Variants in ATF6 observed in about 807,000 individuals in gnomAD.
ATF6 encodes activating transcription factor 6.
ATF6 carries 53 observed loss-of-function variants against 83.6 expected under a neutral mutation model. The observed-to-expected ratio is 0.63, with a 90% CI of 0.51 to 0.80. The LOEUF is 0.80. Ranked by LOEUF, ATF6 falls within the 30% of genes least tolerant of loss-of-function variation. ATF6 has a pLI of 0.00. For synonymous variants in ATF6, 288 were observed against 285.8 expected (o/e 1.01, Z -0.08); for missense variants, 744 against 797.9 (o/e 0.93, Z 0.81).
intron 15 of ATF6, among the ~76,000 whole-genome samples, chr1:161,920,635 C>T (rs921059362): frequency 6.6e-6 from 1 of 151,450 alleles, no homozygotes; most frequent in Non-Finnish European, 1.5e-5. Context: ...GAGAAGTCCA[C>T]AGCAAAGAAT....
At chr1:161,781,078 T>C (rs1684626484) in intron 2 of ATF6, among the ~76,000 whole-genome samples, 1 of 152,266 alleles carries the variant, frequency 6.6e-6, no homozygotes. Flanking sequence ...AGACACTTAA[T>C]TTAAAATAGT....
At chr1:161,875,707 T>G (rs1029326590) in intron 14 of ATF6, among the ~76,000 whole-genome samples, 1 of 151,844 alleles carries the variant, frequency 6.6e-6, no homozygotes, top group Non-Finnish European at 1.5e-5. Context: ...TATCAGTCTT[T>G]CAAGTAAAAG....
At chr1:161,831,251 T>C (rs1686052943) in intron 9 of ATF6, among the ~76,000 whole-genome samples, 1 of 152,168 alleles carries the variant, frequency 6.6e-6, no homozygotes, top group Non-Finnish European at 1.5e-5. Context: ...TGAGATACCA[T>C]CTCACACCAG....
intron 5 of ATF6, 92 bp from the exon 6 acceptor site, chr1:161,792,032 A>G: frequency 9.7e-7 from 1 of 1,027,534 alleles, no homozygotes; most frequent in Non-Finnish European, 1.5e-6. Context: ...AGTTAAGATA[A>G]TGTGTAGAGA....
At chr1:161,830,272 A>G (rs1686019726) in intron 9 of ATF6, among the ~76,000 whole-genome samples, 1 of 152,230 alleles carries the variant, frequency 6.6e-6, no homozygotes, top group Non-Finnish European at 1.5e-5. Context: ...GGACAACTAC[A>G]AACCACTGCT....
intron 7 of ATF6, among the ~76,000 whole-genome samples, chr1:161,817,993 C>T (rs1041229002): frequency 4.0e-5 from 6 of 149,980 alleles, no homozygotes; most frequent in South Asian, 4.2e-4. Flanking sequence ...CCCAGCTACT[C>T]GGGAGGCTGA....
intron 4 of ATF6, 46 bp from the exon 5 acceptor site, chr1:161,791,362 T>C (rs765854543): frequency 2.0e-6 from 3 of 1,528,342 alleles, no homozygotes; most frequent in South Asian, 1.3e-5. Flanking sequence ...TGCAATTTGC[T>C]GCTTAAGGAT....
intron 9 of ATF6, among the ~76,000 whole-genome samples, chr1:161,832,596 CGAG>C (rs1686092862): frequency 6.6e-6 from 1 of 152,208 alleles, no homozygotes; most frequent in South Asian, 2.1e-4. Flanking sequence ...AAACAGCACA[CGAG>C]GAGATTATAT....
At chr1:161,779,251 C>T (rs1021515896) in intron 2 of ATF6, among the ~76,000 whole-genome samples, 1 of 152,190 alleles carries the variant, frequency 6.6e-6, no homozygotes, top group African/African-American at 2.4e-5. Context: ...TATTTCATAA[C>T]ATCTAGAATC....
intron 9 of ATF6, among the ~76,000 whole-genome samples, chr1:161,829,523 A>G (rs1685994433): frequency 6.6e-6 from 1 of 152,158 alleles, no homozygotes; most frequent in African/African-American, 2.4e-5. Flanking sequence ...GTAGACCAAT[A>G]TCCCTGATGA....
At chr1:161,850,218 CTTATTATGACCTGGTCTT>C (rs1320504436) in intron 10 of ATF6, among the ~76,000 whole-genome samples, 1 of 152,024 alleles carries the variant, frequency 6.6e-6, no homozygotes, top group African/African-American at 2.4e-5. Flanking sequence ...TTAGTAATTC[CTTATTATGACCTGGTCTT>C]TTATTATGAC....
chr1:161,794,745 C>G (rs1312539434), intron 6 of ATF6, among the ~76,000 whole-genome samples: 1 of 152,168 alleles, frequency 6.6e-6, no homozygotes, highest in Non-Finnish European at 1.5e-5. Flanking sequence ...TTCTACCAAC[C>G]AGCAACAACT....
At chr1:161,908,305 T>C (rs1687918302) in intron 14 of ATF6, among the ~76,000 whole-genome samples, 1 of 152,214 alleles carries the variant, frequency 6.6e-6, no homozygotes, top group African/African-American at 2.4e-5. Flanking sequence ...CCTTTTCTTT[T>C]GATAAGCCAG....
At chr1:161,902,999 C>T (rs1241555306) in intron 14 of ATF6, among the ~76,000 whole-genome samples, 2 of 152,164 alleles carry the variant, frequency 1.3e-5, no homozygotes, top group East Asian at 1.9e-4. Flanking sequence ...TTATCTACCT[C>T]TTTTCATCTT....
intron 7 of ATF6, among the ~76,000 whole-genome samples, chr1:161,816,667 A>G (rs2101778490): frequency 6.6e-6 from 1 of 152,350 alleles, no homozygotes; most frequent in African/African-American, 2.4e-5. Context: ...TGAAACATCA[A>G]GATAATTGAA....
chr1:161,811,113 A>G (rs1447776414), intron 7 of ATF6, among the ~76,000 whole-genome samples: 5 of 152,224 alleles, frequency 3.3e-5, no homozygotes, highest in Non-Finnish European at 5.9e-5. Flanking sequence ...TTTTTAATAT[A>G]TAGAGTATAA....
chr1:161,888,441 T>A (rs1311058315), intron 14 of ATF6, among the ~76,000 whole-genome samples: 1 of 152,194 alleles, frequency 6.6e-6, no homozygotes, highest in Non-Finnish European at 1.5e-5. Flanking sequence ...TAGCCTTATC[T>A]AAATTCCCCT....
At chr1:161,870,649 A>G (rs995892149) in intron 14 of ATF6, among the ~76,000 whole-genome samples, 4 of 151,772 alleles carry the variant, frequency 2.6e-5, no homozygotes, top group African/African-American at 7.2e-5. Flanking sequence ...GGATTCAACT[A>G]TTTGTTCTTT....
chr1:161,819,928 G>T, intron 8 of ATF6, 110 bp downstream of exon 8: 1 of 1,051,008 alleles, frequency 9.5e-7, no homozygotes, highest in South Asian at 2.1e-5. Flanking sequence ...ATAGTGCTAG[G>T]AAAAGGAGGG....
Sources: allele counts gnomAD v4.1 joint callset (sites outside exome capture counted in the v4.1 genomes callset), GRCh38; gene constraint gnomAD v4.1.1; transcripts MANE v1.5; gene names NCBI Gene and HGNC (gene_info 2026-07-23, HGNC 2026-07-21).